Variants in WWOX observed in about 807,000 individuals in gnomAD.
WWOX encodes WW domain containing oxidoreductase.
In WWOX, 69 loss-of-function variants were observed where a neutral mutation model predicts 46.2. The ratio of observed to expected loss-of-function variants is 1.49; its 90% CI spans 1.23 to 1.82. WWOX has a LOEUF of 1.82. Ranked by LOEUF, WWOX falls within the 40% of genes most tolerant of loss-of-function variation. The pLI is 0.00. For missense variants in WWOX, 919 were observed against 542.6 expected (o/e 1.69, Z -6.89); for synonymous variants, 359 against 202.6 (o/e 1.77, Z -6.56).
chr16:78,513,571 G>C (rs2085414877), intron 8 of WWOX, among the ~76,000 whole-genome samples: 1 of 152,166 alleles, frequency 6.6e-6, no homozygotes, highest in South Asian at 2.1e-4. Flanking sequence ...TTTGGTGAAG[G>C]AATGATCCAG....
intron 8 of WWOX, among the ~76,000 whole-genome samples, chr16:78,470,611 C>A (rs2084199571): frequency 6.6e-6 from 1 of 152,156 alleles, no homozygotes; most frequent in Admixed American, 6.5e-5. Context: ...CTTACTGAAA[C>A]CTCCTCCTCC....
intron 8 of WWOX, among the ~76,000 whole-genome samples, chr16:79,132,217 T>G (rs2049894585): frequency 1.3e-5 from 2 of 151,938 alleles, no homozygotes; most frequent in Non-Finnish European, 2.9e-5. Flanking sequence ...CATATTTAAA[T>G]CATTGCTGCT....
intron 6 of WWOX, among the ~76,000 whole-genome samples, chr16:78,405,641 T>C (rs549117530): frequency 6.6e-6 from 1 of 152,350 alleles, no homozygotes; most frequent in African/African-American, 2.4e-5. Context: ...TATCTCTCAA[T>C]GATTGGTGGG....
At chr16:78,771,404 G>T (rs1597583161) in intron 8 of WWOX, among the ~76,000 whole-genome samples, 2 of 152,292 alleles carry the variant, frequency 1.3e-5, no homozygotes, top group East Asian at 3.9e-4. Flanking sequence ...GGTGATGAAA[G>T]AGTTTTGGAG....
At chr16:78,451,946 T>C (rs1465698661) in intron 8 of WWOX, among the ~76,000 whole-genome samples, 1 of 152,210 alleles carries the variant, frequency 6.6e-6, no homozygotes, top group African/African-American at 2.4e-5. Context: ...GAGCCCTTAG[T>C]TCAACACTGT....
chr16:78,746,224 A>G (rs1050447502), intron 8 of WWOX, among the ~76,000 whole-genome samples: 2 of 152,246 alleles, frequency 1.3e-5, no homozygotes, highest in South Asian at 2.1e-4. Flanking sequence ...AGGACTGAGC[A>G]TGGTGGCTCA....
chr16:78,951,985 C>T (rs917770604), intron 8 of WWOX, among the ~76,000 whole-genome samples: 1 of 152,262 alleles, frequency 6.6e-6, no homozygotes, highest in African/African-American at 2.4e-5. Flanking sequence ...TGTGAGTATG[C>T]CATTCTAATC....
At chr16:79,189,802 G>A (rs908214572) in intron 8 of WWOX, among the ~76,000 whole-genome samples, 3 of 151,600 alleles carry the variant, frequency 2.0e-5, no homozygotes, top group East Asian at 2.0e-4. Flanking sequence ...CGGTGGGAGG[G>A]GGGGGATATT....
chr16:78,660,155 T>A (rs1211716400), intron 8 of WWOX, among the ~76,000 whole-genome samples: 1 of 152,198 alleles, frequency 6.6e-6, no homozygotes, highest in African/African-American at 2.4e-5. Flanking sequence ...CTGTTTACTA[T>A]TGTGGACTGT....
chr16:78,938,457 C>G (rs968452537), intron 8 of WWOX, among the ~76,000 whole-genome samples: 1 of 151,538 alleles, frequency 6.6e-6, no homozygotes, highest in African/African-American at 2.4e-5. Context: ...CCCTCAAAGG[C>G]AAGGGCTCTG....
At chr16:78,977,385 T>C (rs911333017) in intron 8 of WWOX, among the ~76,000 whole-genome samples, 1 of 152,130 alleles carries the variant, frequency 6.6e-6, no homozygotes, top group Non-Finnish European at 1.5e-5. Flanking sequence ...GTTATGACCA[T>C]AGAAGTTTGT....
chr16:79,043,500 C>G (rs1435697349), intron 8 of WWOX, among the ~76,000 whole-genome samples: 1 of 152,116 alleles, frequency 6.6e-6, no homozygotes, highest in African/African-American at 2.4e-5. Context: ...GTGGGAAGTC[C>G]AGGGGTAGAC....
chr16:78,508,614 C>T (rs1304392258), intron 8 of WWOX, among the ~76,000 whole-genome samples: 1 of 152,156 alleles, frequency 6.6e-6, no homozygotes, highest in Non-Finnish European at 1.5e-5. Flanking sequence ...GCAAATGATT[C>T]AGAGCACAAT....
At chr16:79,004,900 C>T (rs1327490580) in intron 8 of WWOX, among the ~76,000 whole-genome samples, 1 of 152,120 alleles carries the variant, frequency 6.6e-6, no homozygotes, top group Non-Finnish European at 1.5e-5. Flanking sequence ...GGGTTAATTT[C>T]ACAGCTTAAT....
At chr16:78,524,836 T>TA (rs759944246) in intron 8 of WWOX, among the ~76,000 whole-genome samples, 3 of 150,016 alleles carry the variant, frequency 2.0e-5, no homozygotes, top group East Asian at 1.9e-4. Context: ...TTTTTTTTTT[T>TA]AAAGAATGCG....
intron 5 of WWOX, among the ~76,000 whole-genome samples, chr16:78,261,889 A>G (rs1357087417): frequency 6.7e-6 from 1 of 149,860 alleles, no homozygotes; most frequent in Non-Finnish European, 1.5e-5. Context: ...GATAACTTGC[A>G]TTAAGAAATT....
At chr16:78,374,527 A>ATTTTT (rs541225697) in intron 5 of WWOX, among the ~76,000 whole-genome samples, 23 of 70,900 alleles carry the variant, frequency 3.2e-4, no homozygotes, top group East Asian at 1.6e-3. Flanking sequence ...TCTGTCTTGA[A>ATTTTT]TTTTTTTTTT....
At chr16:78,943,780 T>G (rs1037207078) in intron 8 of WWOX, among the ~76,000 whole-genome samples, 2 of 152,038 alleles carry the variant, frequency 1.3e-5, no homozygotes, top group African/African-American at 4.8e-5. Flanking sequence ...TCCCACAATT[T>G]GAAGGGGAAA....
chr16:79,000,197 C>T (rs948026658), intron 8 of WWOX, among the ~76,000 whole-genome samples: 4 of 152,132 alleles, frequency 2.6e-5, no homozygotes, highest in African/African-American at 4.8e-5. Flanking sequence ...TGCGTTCACA[C>T]GGCACGTCAT....
Sources: gnomAD v4.1 joint callset for allele counts (sites outside exome capture counted in the v4.1 genomes callset) on GRCh38, gnomAD v4.1.1 for gene constraint, MANE v1.5 for transcripts, NCBI Gene and HGNC (gene_info 2026-07-23, HGNC 2026-07-21) for gene names.